The following STXBP5L variants were observed in gnomAD, a reference collection of about 807,000 sequenced individuals.
STXBP5L encodes the protein syntaxin binding protein 5L, also known as syntaxin-binding protein 5-like.
In STXBP5L, 65 loss-of-function variants were observed where a neutral mutation model predicts 144.5. That is an observed-to-expected ratio of 0.45 (90% CI 0.37 to 0.55). The LOEUF (loss-of-function observed/expected upper bound fraction) is 0.55. STXBP5L is among the 20% of genes least tolerant of loss of function. The probability of loss-of-function intolerance (pLI) is 0.00; values close to 1 mark genes in which losing one functional copy is unlikely to be tolerated. For synonymous variants in STXBP5L, 505 were observed against 469.6 expected, an observed-to-expected ratio of 1.08 and a Z score of -0.97; for missense variants, 1,298 against 1,405.5, an observed-to-expected ratio of 0.92 and a Z score of 1.22.
Position 121,109,420 on chromosome 3 carries a change from ATTGT to A in STXBP5L, c.471-5502_471-5499del, listed in dbSNP as rs775704753. 7.2e-5 allele frequency among the ~76,000 whole-genome samples: 11 copies of A among 151,926 alleles called. No homozygotes were observed. In the East Asian group the frequency reaches 9.7e-4, roughly 13 times the overall value. On this transcript the variant is annotated intron_variant, in intron 5 of 26. Transcript: ENST00000471454. ...TTCTGTGTCCCAGAGATTCTAGTGTATTGTTTATTTGTTCTCATTGGTTTCACAG... is the reference window on the plus strand; with the variant it reads ...TTCTGTGTCCCAGAGATTCTAGTGTATTATTTGTTCTCATTGGTTTCACAG...
At chr3:121,117,940 C>A (rs1485865384) in intron 6 of STXBP5L, among the ~76,000 whole-genome samples, 1 of 151,532 alleles carries the variant, frequency 6.6e-6, no homozygotes, top group East Asian at 1.9e-4. Flanking sequence ...AAAATATATA[C>A]CAGGTGATAG....
intron 5 of STXBP5L, among the ~76,000 whole-genome samples, chr3:121,048,608 G>T (rs750174775): frequency 6.6e-6 from 1 of 151,624 alleles, no homozygotes; most frequent in Non-Finnish European, 1.5e-5. Context: ...CCTGAACTTG[G>T]TCTATTCTTC....
At chr3:121,050,582 A>G (rs1947893216) in intron 5 of STXBP5L, among the ~76,000 whole-genome samples, 1 of 152,172 alleles carries the variant, frequency 6.6e-6, no homozygotes, top group Admixed American at 6.5e-5. Context: ...CTCCTGAAGG[A>G]AGCACTAAAC....
At chr3:121,006,936 C>T (rs1944365491) in intron 3 of STXBP5L, among the ~76,000 whole-genome samples, 1 of 152,142 alleles carries the variant, frequency 6.6e-6, no homozygotes, top group South Asian at 2.1e-4. Flanking sequence ...GTCTGATGGG[C>T]TTCCCTTTGT....
intron 2 of STXBP5L, among the ~76,000 whole-genome samples, chr3:120,914,412 A>G (rs1014990633): frequency 6.6e-6 from 1 of 152,044 alleles, no homozygotes; most frequent in Non-Finnish European, 1.5e-5. Context: ...TTCTGCAGGG[A>G]AATGGATTTA....
At chr3:121,238,334 G>A (rs1326889118) in intron 12 of STXBP5L, among the ~76,000 whole-genome samples, 3 of 152,086 alleles carry the variant, frequency 2.0e-5, no homozygotes, top group Non-Finnish European at 4.4e-5. Flanking sequence ...CAAGTGAGAA[G>A]GAGAAGGCTC....
At chr3:121,208,793 G>A (rs991043766) in intron 10 of STXBP5L, among the ~76,000 whole-genome samples, 1 of 151,878 alleles carries the variant, frequency 6.6e-6, no homozygotes, top group Non-Finnish European at 1.5e-5. Context: ...TATACTTTAA[G>A]TTTTGGAATA....
intron 4 of STXBP5L, among the ~76,000 whole-genome samples, chr3:121,043,375 A>G (rs565984580): frequency 5.5e-4 from 84 of 152,212 alleles, no homozygotes; most frequent in Middle Eastern, 3.4e-3. Flanking sequence ...GGTACCGTTC[A>G]CTTCTCTCCG....
chr3:121,383,172 C>T (rs932966103), intron 22 of STXBP5L, among the ~76,000 whole-genome samples: 2 of 151,988 alleles, frequency 1.3e-5, no homozygotes. Flanking sequence ...TGCAGTGGCT[C>T]ACACCTATAA....
At chr3:121,050,858 C>G (rs1273989611) in intron 5 of STXBP5L, among the ~76,000 whole-genome samples, 1 of 152,074 alleles carries the variant, frequency 6.6e-6, no homozygotes, top group Admixed American at 6.5e-5. Flanking sequence ...TGCAGAGACA[C>G]ACATAGGCTC....
At chr3:120,941,692 C>T (rs549659772) in intron 2 of STXBP5L, among the ~76,000 whole-genome samples, 35 of 151,640 alleles carry the variant, frequency 2.3e-4, no homozygotes, top group Admixed American at 1.2e-3. Flanking sequence ...TGCTTATATA[C>T]ACAAATCATA....
At chr3:121,393,427 A>G (rs1352493244) in intron 22 of STXBP5L, among the ~76,000 whole-genome samples, 1 of 152,016 alleles carries the variant, frequency 6.6e-6, no homozygotes, top group Non-Finnish European at 1.5e-5. Flanking sequence ...TAAGCTTTTC[A>G]GTTTAATTAA....
rs2043856389 is a variant in STXBP5L at position 121,318,451 on chromosome 3, C to T, written c.2111-24C>T. 4 of 1,525,722 alleles carry T rather than the reference C, an allele frequency of 2.6e-6. No individual in the cohort carries two copies. The African/African-American group carries it at 4.2e-5, about 16-fold the overall frequency. The allele number at this position is 1,525,722 out of a possible 1,614,324, so 94.5% of individuals were successfully genotyped here. The stretch of plus-strand genomic sequence containing the variant: ...TACAAAATGCTAGCAAAATTTATCT[C>T]ATTTTTTTTCATTGTATTTTCAGGT... On this transcript the variant is annotated intron_variant, in intron 19 of 26. Coordinates refer to ENST00000471454, the MANE Select transcript of STXBP5L (RefSeq NM_001308330.2).
intron 20 of STXBP5L, among the ~76,000 whole-genome samples, chr3:121,351,727 C>T (rs1056336711): frequency 6.6e-6 from 1 of 152,056 alleles, no homozygotes; most frequent in Non-Finnish European, 1.5e-5. Context: ...GCTTTTGTTG[C>T]CATTGCTTTT....
At chr3:121,080,856 G>A (rs530691762) in intron 5 of STXBP5L, among the ~76,000 whole-genome samples, 16 of 152,016 alleles carry the variant, frequency 1.1e-4, no homozygotes, top group Non-Finnish European at 1.8e-4. Flanking sequence ...TAATTTTTTT[G>A]TGATGAATTT....
chr3:121,007,197 G>A (rs1415173267), intron 3 of STXBP5L, among the ~76,000 whole-genome samples: 1 of 151,934 alleles, frequency 6.6e-6, no homozygotes, highest in African/African-American at 2.4e-5. Context: ...CATTAATTTT[G>A]AATAGATATT....
intron 3 of STXBP5L, among the ~76,000 whole-genome samples, chr3:121,019,626 G>T (rs776261141): frequency 3.3e-5 from 5 of 152,130 alleles, no homozygotes; most frequent in Non-Finnish European, 5.9e-5. Flanking sequence ...CCCAGTACCA[G>T]CCCAGAGCCC....
chr3:121,135,889 C>T (rs1397984591), intron 7 of STXBP5L, among the ~76,000 whole-genome samples: 1 of 152,168 alleles, frequency 6.6e-6, no homozygotes, highest in East Asian at 1.9e-4. Flanking sequence ...ACAGTGGCCT[C>T]AAGCCCCCAC....
chr3:121,297,203 T>TGA (rs2051690477), intron 19 of STXBP5L, among the ~76,000 whole-genome samples: 1 of 766 alleles, frequency 1.3e-3, no homozygotes, highest in Non-Finnish European at 5.4e-3. Flanking sequence ...CTACATTATA[T>TGA]GTGTGTGTGT....
Sources: gnomAD v4.1 joint callset for allele counts (sites outside exome capture counted in the v4.1 genomes callset) on GRCh38, gnomAD v4.1.1 for gene constraint, MANE v1.5 for transcripts, NCBI Gene and HGNC (gene_info 2026-07-23, HGNC 2026-07-21) for gene names.